COL28A1: variants seen among roughly 807,000 people sequenced by gnomAD.
COL28A1 encodes the protein collagen alpha-1(XXVIII) chain.
Under a neutral mutation model 150.2 loss-of-function variants are expected in COL28A1, and 161 were observed. The observed-to-expected ratio is 1.07, with a 90% confidence interval of 0.94 to 1.22. The LOEUF (loss-of-function observed/expected upper bound fraction) is 1.22, where lower values mean the gene tolerates loss of function less well. Ranked by LOEUF, COL28A1 falls within the 50% of genes most tolerant of loss-of-function variation. The probability of loss-of-function intolerance (pLI) is 0.00; values close to 1 mark genes in which losing one functional copy is unlikely to be tolerated. For missense variants in COL28A1, 1,617 were observed against 1,388.3 expected (o/e 1.16, Z -2.62); for synonymous variants, 552 against 469.7 (o/e 1.18, Z -2.26).
At chr7:7,389,756 G>A (rs4724978) in intron 27 of COL28A1, among the ~76,000 whole-genome samples, 87,304 of 151,390 alleles carry the variant, frequency 0.58, 27,184 homozygotes, top group South Asian at 0.7. Context: ...TCTCTTTGTA[G>A]CAATTGTGAA....
At chr7:7,386,686 CT>C (rs1352614344) in intron 27 of COL28A1, among the ~76,000 whole-genome samples, 1 of 152,200 alleles carries the variant, frequency 6.6e-6, no homozygotes, top group Non-Finnish European at 1.5e-5. Flanking sequence ...TACTCACAGA[CT>C]CTTCTCAGGG....
At chr7:7,417,777 C>T in intron 27 of COL28A1, 82 bp downstream of exon 27, 1 of 1,129,152 alleles carries the variant, frequency 8.9e-7, no homozygotes, top group African/African-American at 1.5e-5. Context: ...TCATAATAGC[C>T]ATTTTTGCGT....
At chr7:7,518,936 T>C (rs944014894) in intron 6 of COL28A1, among the ~76,000 whole-genome samples, 1 of 152,184 alleles carries the variant, frequency 6.6e-6, no homozygotes, top group African/African-American at 2.4e-5. Flanking sequence ...TTTCCTCTCT[T>C]GAAAATTGTG....
chr7:7,509,793 CTA>C (rs1347843559), intron 9 of COL28A1, among the ~76,000 whole-genome samples: 1 of 152,134 alleles, frequency 6.6e-6, no homozygotes, highest in Non-Finnish European at 1.5e-5. Context: ...CTATTCTATT[CTA>C]TGTGTGTCCC....
At position 7,380,910 on chromosome 7, in the gene COL28A1, G is replaced by C. The variant is rs909951306; in HGVS notation, c.2206-48C>G. On this transcript the variant is annotated intron_variant, in intron 28 of 34. Transcript: ENST00000399429. ...ATAGGTTCAGAATGTGAATCTAAAA[G>C]CCAGATAAGAAAAGCTCTATAATTT... 12 of 1,511,458 alleles carry C rather than the reference G, an allele frequency of 7.9e-6. No individual in the cohort carries two copies. The Admixed American group carries it at 1.8e-4, about 22-fold the overall frequency. 93.6% of individuals were successfully genotyped at this position (1,511,458 alleles called of 1,614,324 possible).
chr7:7,441,346 C>G (rs1294327706), intron 20 of COL28A1, among the ~76,000 whole-genome samples: 1 of 151,994 alleles, frequency 6.6e-6, no homozygotes, highest in African/African-American at 2.4e-5. Context: ...GTTTTATTGG[C>G]AGGAAGATGC....
In COL28A1 at chr7:7,522,108, G is replaced by T. The variant is rs1339339053; in HGVS notation, c.703-147C>A. ...AATTGTATTCAGTATATAACCAACT[G>T]GAGCACTCTCAAAGAAATTTTACCT... On this transcript the variant is annotated intron_variant, in intron 4 of 34. Coordinates refer to ENST00000399429, the MANE Select transcript of COL28A1 (RefSeq NM_001037763.3). 7.2e-6 allele frequency: 5 copies of T among 694,102 alleles called. No individual in the cohort carries two copies. In the African/African-American group the frequency reaches 8.8e-5, roughly 12 times the overall value. The allele number at this position is 694,102 out of a possible 1,614,324, so 43.0% of individuals were successfully genotyped here. A position where few individuals can be genotyped will look rare whatever the true frequency, so the allele number is the denominator to read the frequency against.
chr7:7,492,623 T>G (rs909147165), intron 11 of COL28A1, among the ~76,000 whole-genome samples: 1 of 148,784 alleles, frequency 6.7e-6, no homozygotes, highest in African/African-American at 2.5e-5. Flanking sequence ...GTCTGTTGAC[T>G]TTGACCAATT....
intron 27 of COL28A1, among the ~76,000 whole-genome samples, chr7:7,409,707 T>C (rs920560842): frequency 6.6e-6 from 1 of 152,246 alleles, no homozygotes; most frequent in Admixed American, 6.5e-5. Flanking sequence ...TTGGAAACTA[T>C]AGTAAACCTT....
In COL28A1 at chr7:7,442,705, A is replaced by G. The variant is rs745779845; in HGVS notation, c.1650+880T>C. On this transcript the variant is annotated intron_variant, in intron 20 of 34. Transcript: ENST00000399429. ...TTTTTACTTGACTTGTATATAATCC[A>G]TAACAATCTTTACATGGGAATTGAT... is the stretch of plus-strand genomic sequence containing the variant. 6.3e-4 allele frequency among the ~76,000 whole-genome samples: 96 copies of G among 152,294 alleles called. No individual in the cohort carries two copies. In the Middle Eastern group the frequency reaches 0.017, roughly 27 times the overall value.
At chr7:7,362,104 A>G (rs1160343403) in intron 33 of COL28A1, among the ~76,000 whole-genome samples, 1 of 152,160 alleles carries the variant, frequency 6.6e-6, no homozygotes, top group African/African-American at 2.4e-5. Context: ...GGGTGCAGCA[A>G]ACCACCATGG....
chr7:7,490,627 C>G lies in COL28A1; in HGVS notation c.1046G>C (p.Gly349Ala), dbSNP rs1168823794. Residue 349 changes from glycine to alanine, a missense_variant, in exon 12 of 35, where the codon GGT (glycine) becomes GCT (alanine). By Grantham distance (60) the Gly-to-Ala change is moderately conservative (BLOSUM62 0). Coordinates refer to ENST00000399429, the MANE Select transcript of COL28A1 (RefSeq NM_001037763.3). ...AGGAGCTCCTGGAGAACCATAAGGA[C>G]CAGGAGGACCTGGCTCACCCTGGAG... ...QGNKGEPGPP[G>A]PYGSPGAPGI... 3 of 1,354,008 alleles carry G rather than the reference C, an allele frequency of 2.2e-6. No individual in the cohort carries two copies. Among genetic ancestry groups the G allele is most frequent in the Admixed American group, 1.7e-5 (1 of 59,420 alleles). The allele number at this position is 1,354,008 out of a possible 1,614,324, so 83.9% of individuals were successfully genotyped here.
chr7:7,393,426 AG>A (rs987670698), intron 27 of COL28A1, among the ~76,000 whole-genome samples: 7 of 152,218 alleles, frequency 4.6e-5, no homozygotes, highest in African/African-American at 1.7e-4. Flanking sequence ...CAGGAGACAC[AG>A]GGTTCAGGGA....
chr7:7,344,016 T>TA, the COL28A1 span, among the ~76,000 whole-genome samples: 411 of 146,330 alleles, frequency 2.8e-3, 3 homozygotes, highest in East Asian at 6.1e-3. Context: ...AAAATAAAAA[T>TA]AAAAAAAAAA....
At chr7:7,396,145 A>G (rs1202995168) in intron 27 of COL28A1, among the ~76,000 whole-genome samples, 1 of 152,170 alleles carries the variant, frequency 6.6e-6, no homozygotes, top group African/African-American at 2.4e-5. Context: ...TATTGATAGA[A>G]GGACCTTATC....
intron 11 of COL28A1, among the ~76,000 whole-genome samples, chr7:7,492,969 T>C (rs2024000): frequency 0.23 from 34,735 of 148,176 alleles, 4,695 homozygotes; most frequent in East Asian, 0.44. Flanking sequence ...ACATAATATA[T>C]GTAACATTAT....
At chr7:7,449,800 T>TA (rs1263417460) in intron 18 of COL28A1, among the ~76,000 whole-genome samples, 1 of 152,054 alleles carries the variant, frequency 6.6e-6, no homozygotes, top group Non-Finnish European at 1.5e-5. Context: ...TAAATTTAAC[T>TA]AAAAAAATAC....
rs961815997 is a variant in COL28A1 at position 7,373,958 on chromosome 7, C to T, written c.2360-412G>A. Among the ~76,000 whole-genome samples, 119 of 149,184 alleles carry T rather than the reference C, an allele frequency of 8.0e-4. No homozygotes were observed. The highest frequency in any genetic ancestry group is 2.8e-3 in the African/African-American group (113 of 40,338). On this transcript the variant is annotated intron_variant, in intron 31 of 34. Coordinates refer to ENST00000399429, the MANE Select transcript of COL28A1 (RefSeq NM_001037763.3). This position sits in a 1 kb window ranked among gnomAD's most constrained non-coding sequence, Gnocchi z 4.1. Reference sequence around the variant, plus strand: ...TCGTGATATGCCCGCCTCGGCCTCCCAAAGTGCTGGGATTACAGGCGTGAG... The same window carrying T: ...TCGTGATATGCCCGCCTCGGCCTCCTAAAGTGCTGGGATTACAGGCGTGAG...
rs1782432225 is a variant in COL28A1, at chr7:7,532,604, A to G, written c.124+148T>C. On this transcript the variant is annotated intron_variant, in intron 2 of 34. Transcript: ENST00000399429. ...CTGATGTGCTATAAGTATGTAAGGT[A>G]TATTATCATCATATAATTTTATCAA... The G allele has an allele frequency of 2.9e-6, 3 of 1,033,860 alleles. No homozygotes were observed. The East Asian group carries it at 7.9e-5, about 27-fold the overall frequency. The allele number at this position is 1,033,860 out of a possible 1,614,324, so 64.0% of individuals were successfully genotyped here.
Sources: gnomAD v4.1 joint callset for allele counts (sites outside exome capture counted in the v4.1 genomes callset) on GRCh38, gnomAD v4.1.1 for gene constraint, Gnocchi (gnomAD v3.1) non-coding constraint, MANE v1.5 for transcripts, NCBI Gene and HGNC (gene_info 2026-07-23, HGNC 2026-07-21) for gene names.